Variants in BCAS3 observed in about 807,000 individuals in gnomAD.
The protein encoded by BCAS3 is BCAS4/BCAS3 fusion.
In BCAS3, 53 loss-of-function variants were observed where a neutral mutation model predicts 116.1. That is an observed-to-expected ratio of 0.46 (90% CI 0.37 to 0.57). The LOEUF (loss-of-function observed/expected upper bound fraction) is 0.57, where lower values mean the gene tolerates loss of function less well. Among genes scored for constraint, BCAS3 ranks in the 20% least tolerant of loss-of-function variants. The pLI is 0.00. For synonymous variants in BCAS3, 391 were observed against 408.2 expected (o/e 0.96, Z 0.51); for missense variants, 917 against 1,165.4 (o/e 0.79, Z 3.10).
intron 22 of BCAS3, among the ~76,000 whole-genome samples, chr17:61,287,429 C>T (rs899000087): frequency 2.0e-5 from 3 of 150,394 alleles, no homozygotes; most frequent in Non-Finnish European, 4.4e-5. Context: ...CATGCTGTTC[C>T]AAGAAAGTGT....
chr17:60,777,449 A>C (rs2045410990), intron 6 of BCAS3, among the ~76,000 whole-genome samples: 1 of 151,842 alleles, frequency 6.6e-6, no homozygotes, highest in Non-Finnish European at 1.5e-5. Context: ...ACATGGCAAA[A>C]CCCCACCTCT....
rs975174554 is a variant in BCAS3, at chr17:61,203,884, G to A, written c.2425+119320G>A. Among the ~76,000 whole-genome samples the A allele has an allele frequency of 6.6e-6, 1 of 152,180 alleles. No homozygotes were observed. The highest frequency in any genetic ancestry group is 1.5e-5 in the Non-Finnish European group (1 of 68,042). ...GCTAATTAACTGCATTGCTATCAGA[G>A]CTCTGAAGTGACAGAGGCAAAGGGC... On this transcript the variant is annotated intron_variant, in intron 22 of 23. Transcript: ENST00000407086. This position sits in a 1 kb window ranked among gnomAD's most constrained non-coding sequence, Gnocchi z 5.7.
chr17:61,014,612 A>G (rs1224772150), intron 15 of BCAS3, among the ~76,000 whole-genome samples: 1 of 152,088 alleles, frequency 6.6e-6, no homozygotes, highest in African/African-American at 2.4e-5. Flanking sequence ...CTGTCAAATC[A>G]ACATTGCACT....
intron 6 of BCAS3, among the ~76,000 whole-genome samples, chr17:60,771,920 A>G (rs2044752723): frequency 1.3e-5 from 2 of 152,132 alleles, no homozygotes; most frequent in South Asian, 4.1e-4. Flanking sequence ...ATTCCATGGT[A>G]TATATGTGCC....
At chr17:61,246,523 C>A (rs1197355880) in intron 22 of BCAS3, among the ~76,000 whole-genome samples, 1 of 151,058 alleles carries the variant, frequency 6.6e-6, no homozygotes, top group East Asian at 1.9e-4. Context: ...CCCCAGTCCC[C>A]TAGGTCTCTC....
chr17:60,790,239 A>G (rs1197214220), intron 6 of BCAS3, among the ~76,000 whole-genome samples: 1 of 152,212 alleles, frequency 6.6e-6, no homozygotes, highest in Non-Finnish European at 1.5e-5. Flanking sequence ...GAGTTCTTCA[A>G]TTCAGGTTTG....
At chr17:60,687,120 C>T (rs1264527680) in intron 3 of BCAS3, among the ~76,000 whole-genome samples, 1 of 152,142 alleles carries the variant, frequency 6.6e-6, no homozygotes, top group African/African-American at 2.4e-5. Flanking sequence ...TAACTTTGTA[C>T]TTATCAGTGT....
At chr17:61,121,116 C>G (rs895782190) in intron 22 of BCAS3, among the ~76,000 whole-genome samples, 8 of 151,692 alleles carry the variant, frequency 5.3e-5, no homozygotes, top group African/African-American at 1.9e-4. Flanking sequence ...TTCATGGGCA[C>G]TTGAAAAAAA....
In BCAS3 at chr17:61,258,772, A is replaced by C. The variant is rs1043754540; in HGVS notation, c.2426-109555A>C. On this transcript the variant is annotated intron_variant, in intron 22 of 23. Transcript: ENST00000407086. The surrounding 1 kb of genome is among the most constrained non-coding windows in gnomAD (Gnocchi z 4.7). ...CTGTAGTTGATTTGGGAAGCCAGGC[A>C]TCACTCTGTGGAAGAACCACAGAAC... is the stretch of plus-strand genomic sequence containing the variant. Among the ~76,000 whole-genome samples, 1 of 152,258 alleles carries C rather than the reference A, an allele frequency of 6.6e-6. No individual in the cohort carries two copies. Among genetic ancestry groups the C allele is most frequent in the Non-Finnish European group, 1.5e-5 (1 of 68,034 alleles).
At chr17:60,862,008 G>T (rs1011668130) in intron 7 of BCAS3, among the ~76,000 whole-genome samples, 18 of 152,168 alleles carry the variant, frequency 1.2e-4, no homozygotes, top group Non-Finnish European at 2.1e-4. Flanking sequence ...CTTCGGCCGG[G>T]CGTGGTGGCT....
chr17:60,701,805 C>CAAAAAAAAAAAAAA (rs71370178), intron 4 of BCAS3, among the ~76,000 whole-genome samples: 9 of 77,074 alleles, frequency 1.2e-4, no homozygotes, highest in African/African-American at 4.6e-4. Flanking sequence ...ACTAAAAATA[C>CAAAAAAAAAAAAAA]AAAAAAAAAA....
At chr17:61,039,790 C>T (rs571279186) in intron 18 of BCAS3, among the ~76,000 whole-genome samples, 2 of 152,176 alleles carry the variant, frequency 1.3e-5, no homozygotes, top group African/African-American at 4.8e-5. Context: ...TTATTTCCCC[C>T]TTGCACTTCT....
intron 22 of BCAS3, among the ~76,000 whole-genome samples, chr17:61,237,490 T>G (rs1414425230): frequency 6.6e-6 from 1 of 152,228 alleles, no homozygotes; most frequent in African/African-American, 2.4e-5. Flanking sequence ...TAGCAGGCTG[T>G]GGAAGCTGGT....
At chr17:60,909,036 C>T (rs2058343545) in intron 11 of BCAS3, among the ~76,000 whole-genome samples, 1 of 152,054 alleles carries the variant, frequency 6.6e-6, no homozygotes, top group South Asian at 2.1e-4. Context: ...GTTTGAGCTT[C>T]CATTTTACTT....
rs954363870 is a variant in BCAS3 at position 61,161,833 on chromosome 17, G to C, written c.2425+77269G>C. On this transcript the variant is annotated intron_variant, in intron 22 of 23. Transcript: ENST00000407086. The surrounding 1 kb of genome is among the most constrained non-coding windows in gnomAD (Gnocchi z 4.8). ...TTAACTCGTCGCTTGTTCTGGAAAAGTAGTAGTACTGCCTTCTCTGGCCTT... is the reference window on the plus strand; with the variant it reads ...TTAACTCGTCGCTTGTTCTGGAAAACTAGTAGTACTGCCTTCTCTGGCCTT... Among the ~76,000 whole-genome samples the C allele has an allele frequency of 2.6e-5, 4 of 152,146 alleles. No individual in the cohort carries two copies. The highest frequency in any genetic ancestry group is 2.6e-4 in the Admixed American group (4 of 15,272).
chr17:61,330,555 C>T (rs1056435831), intron 22 of BCAS3, among the ~76,000 whole-genome samples: 6 of 152,226 alleles, frequency 3.9e-5, no homozygotes, highest in African/African-American at 7.2e-5. Flanking sequence ...TGTGCCTCTG[C>T]GGCCAGTGGA....
At chr17:60,833,586 T>G (rs1034886215) in intron 7 of BCAS3, among the ~76,000 whole-genome samples, 1 of 152,218 alleles carries the variant, frequency 6.6e-6, no homozygotes, top group Non-Finnish European at 1.5e-5. Context: ...GACCATTCAT[T>G]CATATAGTAG....
chr17:61,135,977 G>A (rs544007347), intron 22 of BCAS3: 15 of 158,650 alleles, frequency 9.5e-5, no homozygotes, highest in Admixed American at 6.5e-4. Context: ...CTCTCCTGCC[G>A]CTGCTGCTGC....
Position 61,263,643 on chromosome 17 carries a change from A to G in BCAS3, c.2426-104684A>G, listed in dbSNP as rs900510900. ...ACTTCATGTGGAAGATCGGAGGATT[A>G]AAACCAGCAAGGAAAGTTTTTGAAG... On this transcript the variant is annotated intron_variant, in intron 22 of 23. Transcript: ENST00000407086. 5.9e-5 allele frequency among the ~76,000 whole-genome samples: 9 copies of G among 152,242 alleles called. 1 individual carries two copies. Among genetic ancestry groups the G allele is most frequent in the African/African-American group, 2.2e-4 (9 of 41,476 alleles).
Sources: gnomAD v4.1 joint callset for allele counts (sites outside exome capture counted in the v4.1 genomes callset) on GRCh38, gnomAD v4.1.1 for gene constraint, Gnocchi (gnomAD v3.1) non-coding constraint, MANE v1.5 for transcripts, NCBI Gene and HGNC (gene_info 2026-07-23, HGNC 2026-07-21) for gene names.